The following TBC1D8 variants were observed in gnomAD, a reference collection of about 807,000 sequenced individuals.
The protein encoded by TBC1D8 is TBC1 domain family member 8, also known as BUB2-like protein 1.
Under a neutral mutation model 118.8 loss-of-function variants are expected in TBC1D8, and 65 were observed. The ratio of observed to expected loss-of-function variants is 0.55; its 90% CI spans 0.45 to 0.67. The LOEUF (loss-of-function observed/expected upper bound fraction) is 0.67. TBC1D8 is among the 30% of genes least tolerant of loss of function. TBC1D8 has a pLI of 0.00. For synonymous variants in TBC1D8, 566 were observed against 595.8 expected (o/e 0.95, Z 0.73); for missense variants, 1,376 against 1,471.2 (o/e 0.94, Z 1.06).
intron 2 of TBC1D8, among the ~76,000 whole-genome samples, chr2:101,074,051 C>T (rs532703008): frequency 2.6e-5 from 4 of 152,248 alleles, no homozygotes; most frequent in African/African-American, 9.6e-5. Flanking sequence ...TAGCTTTCAG[C>T]CTATCTCAAT....
intron 1 of TBC1D8, among the ~76,000 whole-genome samples, chr2:101,135,559 G>A (rs566259155): frequency 2.0e-5 from 3 of 152,364 alleles, no homozygotes; most frequent in African/African-American, 4.8e-5. Context: ...TTGGCGTTAT[G>A]GAGTAGGTCA....
At chr2:101,093,922 C>T (rs1474258587) in intron 1 of TBC1D8, among the ~76,000 whole-genome samples, 1 of 152,102 alleles carries the variant, frequency 6.6e-6, no homozygotes, top group African/African-American at 2.4e-5. Context: ...GTCTTGAACT[C>T]TTGACCTCAG....
intron 5 of TBC1D8, among the ~76,000 whole-genome samples, chr2:101,042,037 G>C (rs1253402990): frequency 2.0e-5 from 3 of 151,420 alleles, no homozygotes; most frequent in African/African-American, 7.3e-5. Flanking sequence ...AAAAAAAAAA[G>C]TTGAGATGCA....
chr2:101,151,126 C>T lies in TBC1D8; in HGVS notation c.127+1G>A, dbSNP rs1008857329. On this transcript the variant is annotated splice_donor_variant, in intron 1 of 19. Transcript: ENST00000409318. LOFTEE classifies it high-confidence loss of function. ...CGCGCCCGCCCCGGCGAGCCCCTTA[C>T]CGGTGAGGCGGCCGCCCCCCTCGCC... 3.3e-4 allele frequency: 369 copies of T among 1,132,752 alleles called. 1 individual carries two copies. The highest frequency in any genetic ancestry group is 2.0e-4 in the Non-Finnish European group (179 of 905,620). The allele number at this position is 1,132,752 out of a possible 1,614,324, so 70.2% of individuals were successfully genotyped here. A position where few individuals can be genotyped will look rare whatever the true frequency, so the allele number is the denominator to read the frequency against.
At chr2:101,106,009 T>A (rs1272573733) in intron 1 of TBC1D8, among the ~76,000 whole-genome samples, 1 of 151,984 alleles carries the variant, frequency 6.6e-6, no homozygotes, top group East Asian at 1.9e-4. Flanking sequence ...TGTGGTTAGA[T>A]CCATTCAGTA....
Position 101,039,397 on chromosome 2 carries a change from C to T in TBC1D8, c.1081-742G>A, listed in dbSNP as rs533468860. 1.5e-4 allele frequency among the ~76,000 whole-genome samples: 23 copies of T among 152,206 alleles called. No individual in the cohort carries two copies. In the South Asian group the frequency reaches 4.4e-3, roughly 29 times the overall value. On this transcript the variant is annotated intron_variant, in intron 6 of 19. Coordinates refer to ENST00000409318, the MANE Select transcript of TBC1D8 (RefSeq NM_001330348.2). Reference sequence around the variant, plus strand: ...ATTGTCAGAGGCCAAGTGGGAGGATCGATTGAGCCCAGGAGTTTGAGACCA... The same window carrying T: ...ATTGTCAGAGGCCAAGTGGGAGGATTGATTGAGCCCAGGAGTTTGAGACCA...
intron 2 of TBC1D8, among the ~76,000 whole-genome samples, chr2:101,078,406 GA>G (rs1674986124): frequency 6.6e-6 from 1 of 152,122 alleles, no homozygotes. Context: ...AAGCAAGCAG[GA>G]AGCCTAAGAA....
At chr2:101,093,398 C>T (rs908496819) in intron 1 of TBC1D8, among the ~76,000 whole-genome samples, 1 of 152,104 alleles carries the variant, frequency 6.6e-6, no homozygotes, top group Non-Finnish European at 1.5e-5. Context: ...TTTGTTGACA[C>T]ATTTACATGT....
chr2:101,096,439 A>AC (rs1213060043), intron 1 of TBC1D8, among the ~76,000 whole-genome samples: 2 of 149,022 alleles, frequency 1.3e-5, no homozygotes, highest in African/African-American at 2.5e-5. Flanking sequence ...AAAAAAAAAA[A>AC]AAAAAAAACT....
intron 1 of TBC1D8, among the ~76,000 whole-genome samples, chr2:101,134,195 TCTCA>T (rs1176579605): frequency 0.034 from 2,122 of 62,678 alleles, 21 homozygotes; most frequent in African/African-American, 0.056. Context: ...TCTCTCTCTC[TCTCA>T]CACACACACA....
chr2:101,033,669 T>C lies in TBC1D8; in HGVS notation c.1693A>G (p.Ile565Val), dbSNP rs1267347157. ...AGGGAGCGGTGCAGGTCTCGTTCTA[T>C]CTCCTCGGTTACCAGGCAGCATTTC... ...LGKCCLVTEE[I>V]ERDLHRSLPE... is the part of the protein sequence containing the mutation. Residue 565 changes from isoleucine to valine, a missense_variant, in exon 10 of 20, where the codon ATA becomes GTA. Ile to Val is a conservative substitution (Grantham distance 29, BLOSUM62 3). Transcript: ENST00000409318. The C allele has an allele frequency of 6.2e-7, 1 of 1,613,822 alleles. No individual in the cohort carries two copies. Among genetic ancestry groups the C allele is most frequent in the Non-Finnish European group, 8.5e-7 (1 of 1,179,858 alleles).
In TBC1D8 at chr2:101,036,135, C is replaced by T. The variant is rs1680993012; in HGVS notation, c.1486G>A (p.Asp496Asn). Residue 496 changes from aspartate (D) to asparagine (N), a missense_variant, in exon 9 of 20, where the codon GAC becomes AAC. Physicochemically the swap from Asp to Asn is conservative, Grantham distance 23 (BLOSUM62 1). Transcript: ENST00000409318. ...GTTCTGCCGTATTCCACAAAGTGGT[C>T]ATTCCACAGGCTTATTTTTATCTGT... ...REQIKISLWN[D>N]HFVEYGRTVC... is the part of the protein sequence containing the mutation. 1.2e-6 allele frequency: 2 copies of T among 1,613,854 alleles called. No individual in the cohort carries two copies. Among genetic ancestry groups the T allele is most frequent in the South Asian group, 1.1e-5 (1 of 91,074 alleles).
intron 9 of TBC1D8, among the ~76,000 whole-genome samples, chr2:101,034,949 C>G (rs1478430763): frequency 6.6e-6 from 1 of 152,108 alleles, no homozygotes; most frequent in African/African-American, 2.4e-5. Flanking sequence ...ACTGACCACA[C>G]CCAACACAGT....
intron 1 of TBC1D8, among the ~76,000 whole-genome samples, chr2:101,148,505 G>A (rs1381182351): frequency 6.6e-6 from 1 of 152,214 alleles, no homozygotes; most frequent in African/African-American, 2.4e-5. Flanking sequence ...CTGGAGATGT[G>A]AAGAGAGGGA....
At position 101,043,281 on chromosome 2, in the gene TBC1D8, G is replaced by A. The variant is rs775656004; in HGVS notation, c.873-2896C>T. 5.3e-5 allele frequency among the ~76,000 whole-genome samples: 8 copies of A among 152,180 alleles called. No individual in the cohort carries two copies. In the South Asian group the frequency reaches 1.0e-3, roughly 20 times the overall value. ...TAAACGCTCTACCAGTTCATACACC[G>A]CAAGAATGGAAGGCAAGGCCCCTCA... On this transcript the variant is annotated intron_variant, in intron 5 of 19. Coordinates refer to ENST00000409318, the MANE Select transcript of TBC1D8 (RefSeq NM_001330348.2).
chr2:101,049,621 G>A (rs539348058), intron 5 of TBC1D8, among the ~76,000 whole-genome samples: 4 of 151,752 alleles, frequency 2.6e-5, no homozygotes, highest in South Asian at 2.1e-4. Context: ...TCAGCTACTC[G>A]GGAGGCTGAG....
chr2:101,082,130 C>G (rs1170755335), intron 2 of TBC1D8, among the ~76,000 whole-genome samples: 2 of 152,178 alleles, frequency 1.3e-5, no homozygotes, highest in Non-Finnish European at 2.9e-5. Flanking sequence ...CAGAGTGAGA[C>G]TCCGTCTCAA....
chr2:101,076,779 A>G (rs750813862), intron 2 of TBC1D8, among the ~76,000 whole-genome samples: 60 of 152,338 alleles, frequency 3.9e-4, no homozygotes, highest in Admixed American at 1.6e-3. Context: ...AACTGCCCTT[A>G]GTCATTCCTG....
chr2:101,022,510 CAT>C lies in TBC1D8; in HGVS notation c.2530_2531del (p.Met844AspfsTer23). 6.3e-7 allele frequency: 1 copy of C among 1,591,914 alleles called. No individual in the cohort carries two copies. Among genetic ancestry groups the C allele is most frequent in the Non-Finnish European group, 8.5e-7 (1 of 1,174,390 alleles). On this transcript the variant is annotated frameshift_variant, in exon 16 of 20. Transcript: ENST00000409318. LOFTEE classifies it high-confidence loss of function. ...ELYDLFKREH[M>X]MSCYWEQPRP... ...TGGGCTGCTCCCAGTAACAGCTCAT[CAT>C]ATGTTCTCTCTTCAAACAAGAGGGG...
Sources: gnomAD v4.1 joint callset for allele counts (sites outside exome capture counted in the v4.1 genomes callset) on GRCh38, gnomAD v4.1.1 for gene constraint, MANE v1.5 for transcripts, NCBI Gene and HGNC (gene_info 2026-07-23, HGNC 2026-07-21) for gene names.